Variants in CLVS1 observed in about 807,000 individuals in gnomAD.
CLVS1 encodes the protein clavesin-1.
In CLVS1, 10 loss-of-function variants were observed where a neutral mutation model predicts 33.1. The observed-to-expected ratio is 0.30, with a 90% CI of 0.19 to 0.51. The LOEUF (loss-of-function observed/expected upper bound fraction) is 0.51. Ranked by LOEUF, CLVS1 falls within the 20% of genes least tolerant of loss-of-function variation. The pLI is 0.97. For synonymous variants in CLVS1, 163 were observed against 166.1 expected (o/e 0.98, Z 0.14); for missense variants, 343 against 433.4 (o/e 0.79, Z 1.85).
chr8:61,387,991 G>A lies in CLVS1; in HGVS notation c.630+11212G>A, dbSNP rs1024711803. Among the ~76,000 whole-genome samples, 8 of 152,234 alleles carry A rather than the reference G, an allele frequency of 5.3e-5. 1 individual carries two copies. The highest frequency in any genetic ancestry group is 1.4e-4 in the African/African-American group (6 of 41,552). ...ACTTCTTTTCCTGTGGGTAGATACC[G>A]AGGAGGGGGATTGCTGGATTTTTAT... On this transcript the variant is annotated intron_variant, in intron 3 of 5. Transcript: ENST00000325897.
At chr8:61,489,128 T>C (rs920334688) in intron 5 of CLVS1, among the ~76,000 whole-genome samples, 1 of 152,236 alleles carries the variant, frequency 6.6e-6, no homozygotes, top group Non-Finnish European at 1.5e-5. Context: ...AAAACTTTTT[T>C]CTCAATAATG....
the CLVS1 span, among the ~76,000 whole-genome samples, chr8:60,993,874 A>G: frequency 1.2e-4 from 18 of 152,216 alleles, no homozygotes; most frequent in African/African-American, 3.9e-4. Context: ...TTTCAAGGCC[A>G]TGGAGTGAAA....
the CLVS1 span, among the ~76,000 whole-genome samples, chr8:61,032,569 G>A: frequency 6.6e-6 from 1 of 152,038 alleles, no homozygotes; most frequent in African/African-American, 2.4e-5. Flanking sequence ...TAGGCCTTGG[G>A]GGCTTCAGGG....
the CLVS1 span, among the ~76,000 whole-genome samples, chr8:61,029,787 T>C: frequency 1.1e-4 from 17 of 152,152 alleles, no homozygotes; most frequent in African/African-American, 3.6e-4. Context: ...CACAGAAACA[T>C]TGGGGCGTAT....
At chr8:60,983,928 G>A in the CLVS1 span, among the ~76,000 whole-genome samples, 2 of 152,116 alleles carry the variant, frequency 1.3e-5, no homozygotes, top group Admixed American at 1.3e-4. Flanking sequence ...ACCAACACCT[G>A]CCCTGCCCTG....
chr8:61,141,950 T>G (rs943436710), intron 2 of CLVS1, among the ~76,000 whole-genome samples: 1 of 152,196 alleles, frequency 6.6e-6, no homozygotes, highest in Non-Finnish European at 1.5e-5. Context: ...GTGTCCATCT[T>G]CCCTTAATCT....
the CLVS1 span, among the ~76,000 whole-genome samples, chr8:61,050,489 T>C: frequency 1.3e-5 from 2 of 152,196 alleles, no homozygotes; most frequent in East Asian, 3.8e-4. Flanking sequence ...TAGGACACAG[T>C]GTGCTGGGCC....
At chr8:61,241,356 ATCCT>A (rs1472423181) in intron 2 of CLVS1, among the ~76,000 whole-genome samples, 1 of 152,186 alleles carries the variant, frequency 6.6e-6, no homozygotes, top group Non-Finnish European at 1.5e-5. Context: ...ATTTTCAACC[ATCCT>A]TGCATTTCTG....
At chr8:61,143,797 A>G (rs1370407908) in intron 2 of CLVS1, among the ~76,000 whole-genome samples, 9 of 147,612 alleles carry the variant, frequency 6.1e-5, no homozygotes, top group Admixed American at 4.8e-4. Context: ...TATATACATA[A>G]TATTCTCATA....
At chr8:61,276,602 C>T (rs1283833000) in intron 2 of CLVS1, among the ~76,000 whole-genome samples, 1 of 152,204 alleles carries the variant, frequency 6.6e-6, no homozygotes, top group Non-Finnish European at 1.5e-5. Context: ...CTCACATATT[C>T]AGCTCCTTCT....
At chr8:61,341,104 T>TG (rs1264200727) in intron 2 of CLVS1, among the ~76,000 whole-genome samples, 1 of 152,224 alleles carries the variant, frequency 6.6e-6, no homozygotes, top group Non-Finnish European at 1.5e-5. Context: ...TTTAATGCAC[T>TG]GAAAAGAATA....
chr8:61,122,608 ACAC>A (rs1239109683), intron 1 of CLVS1, among the ~76,000 whole-genome samples: 22 of 147,752 alleles, frequency 1.5e-4, no homozygotes, highest in African/African-American at 5.3e-4. Context: ...ACACACACAC[ACAC>A]AAGAAAACAG....
chr8:61,324,943 C>T (rs1320886478), intron 2 of CLVS1, among the ~76,000 whole-genome samples: 1 of 152,112 alleles, frequency 6.6e-6, no homozygotes, highest in Admixed American at 6.6e-5. Flanking sequence ...TGGATAATTG[C>T]AATAGGCACT....
At chr8:61,077,363 G>T (rs978669892) in intron 1 of CLVS1, among the ~76,000 whole-genome samples, 1 of 151,650 alleles carries the variant, frequency 6.6e-6, no homozygotes, top group Non-Finnish European at 1.5e-5. Context: ...GAGCCACTGC[G>T]CCCAGCCGAT....
intron 4 of CLVS1, among the ~76,000 whole-genome samples, chr8:61,455,626 C>T (rs576504386): frequency 3.3e-5 from 5 of 152,278 alleles, no homozygotes; most frequent in African/African-American, 1.2e-4. Flanking sequence ...CATATCTTGG[C>T]TATTATGAAT....
chr8:61,154,383 C>T (rs1806610138), intron 2 of CLVS1, among the ~76,000 whole-genome samples: 1 of 152,020 alleles, frequency 6.6e-6, no homozygotes, highest in African/African-American at 2.4e-5. Flanking sequence ...CAAAACATTT[C>T]AATTCAAAAA....
chr8:61,242,984 T>G (rs530653810), intron 2 of CLVS1, among the ~76,000 whole-genome samples: 2 of 149,048 alleles, frequency 1.3e-5, no homozygotes, highest in East Asian at 3.9e-4. Flanking sequence ...GTCTTTTCCT[T>G]TAACAATAGG....
chr8:61,063,200 C>T (rs925434918), intron 1 of CLVS1, among the ~76,000 whole-genome samples: 14 of 140,722 alleles, frequency 9.9e-5, no homozygotes, highest in South Asian at 2.6e-4. Context: ...TATAAATAAA[C>T]GAGTGCATTG....
chr8:61,307,550 A>T (rs1272813932), intron 2 of CLVS1, among the ~76,000 whole-genome samples: 2 of 152,226 alleles, frequency 1.3e-5, no homozygotes, highest in Admixed American at 6.5e-5. Context: ...CAAGAAACTC[A>T]GTAATTAAAT....
Sources: gnomAD v4.1 joint callset for allele counts (sites outside exome capture counted in the v4.1 genomes callset) on GRCh38, gnomAD v4.1.1 for gene constraint, MANE v1.5 for transcripts, NCBI Gene and HGNC (gene_info 2026-07-23, HGNC 2026-07-21) for gene names.